Variants in CRACDL observed in about 807,000 individuals in gnomAD.
CRACDL encodes CRACD like.
Under a neutral mutation model 70.6 loss-of-function variants are expected in CRACDL, and 26 were observed. The ratio of observed to expected loss-of-function variants is 0.37; its 90% CI spans 0.27 to 0.51. The LOEUF is 0.51. CRACDL is among the 20% of genes least tolerant of loss of function. The pLI is 0.94. For missense variants in CRACDL, 1,283 were observed against 1,376.9 expected, an observed-to-expected ratio of 0.93 and a Z score of 1.08; for synonymous variants, 618 against 615.2, an observed-to-expected ratio of 1.00 and a Z score of -0.07.
intron 1 of CRACDL, among the ~76,000 whole-genome samples, chr2:98,896,745 T>C (rs972131382): frequency 5.9e-5 from 9 of 152,196 alleles, no homozygotes; most frequent in African/African-American, 2.2e-4. Flanking sequence ...CTTACTTTGT[T>C]GTTGTTGTTC....
intron 5 of CRACDL, among the ~76,000 whole-genome samples, chr2:98,828,551 C>A (rs1705410428): frequency 6.6e-6 from 1 of 152,160 alleles, no homozygotes; most frequent in Non-Finnish European, 1.5e-5. Flanking sequence ...GCCCAGCAGC[C>A]TTTGCTAACC....
chr2:98,869,210 G>C, intron 1 of CRACDL: 1 of 1,302,822 alleles, frequency 7.7e-7, no homozygotes, highest in Non-Finnish European at 1.0e-6. Context: ...GAGTGGCCTA[G>C]GGCCCACGGG....
At chr2:98,931,376 C>G (rs1709070098) in intron 1 of CRACDL, among the ~76,000 whole-genome samples, 1 of 149,568 alleles carries the variant, frequency 6.7e-6, no homozygotes, top group South Asian at 2.1e-4. Flanking sequence ...CTGACCTTGA[C>G]TGGACCAACT....
At chr2:98,802,281 G>A (rs994234924) in intron 7 of CRACDL, among the ~76,000 whole-genome samples, 2 of 152,266 alleles carry the variant, frequency 1.3e-5, no homozygotes, top group African/African-American at 4.8e-5. Flanking sequence ...CGCTATCCAC[G>A]GCGGCGCTCT....
intron 5 of CRACDL, among the ~76,000 whole-genome samples, chr2:98,827,569 T>C (rs888906228): frequency 2.6e-5 from 4 of 152,286 alleles, no homozygotes; most frequent in Non-Finnish European, 5.9e-5. Context: ...GGATTACAGG[T>C]GTGAGCCACC....
intron 1 of CRACDL, among the ~76,000 whole-genome samples, chr2:98,915,927 T>G (rs1003826844): frequency 2.0e-5 from 3 of 152,150 alleles, no homozygotes; most frequent in Non-Finnish European, 4.4e-5. Flanking sequence ...AAGCCTTGTG[T>G]TTGACGAATG....
chr2:98,819,064 G>A (rs1470294574), intron 7 of CRACDL, among the ~76,000 whole-genome samples: 1 of 152,168 alleles, frequency 6.6e-6, no homozygotes, highest in African/African-American at 2.4e-5. Context: ...ATTAAACTTA[G>A]ATGGATGAGA....
chr2:98,881,281 G>A (rs377624101), intron 1 of CRACDL, among the ~76,000 whole-genome samples: 14 of 152,144 alleles, frequency 9.2e-5, no homozygotes, highest in African/African-American at 2.2e-4. Context: ...GGGGCCCAGC[G>A]GCCTCAGCCC....
intron 1 of CRACDL, among the ~76,000 whole-genome samples, chr2:98,898,761 G>A (rs1708192688): frequency 6.6e-6 from 1 of 152,230 alleles, no homozygotes; most frequent in East Asian, 1.9e-4. Context: ...CCTCAAGGAT[G>A]AGTGCAACAG....
chr2:98,877,744 G>T (rs1055048744), intron 1 of CRACDL, among the ~76,000 whole-genome samples: 8 of 151,850 alleles, frequency 5.3e-5, no homozygotes, highest in African/African-American at 1.9e-4. Context: ...GTGGGACTCT[G>T]TCTCAAAAAT....
At chr2:98,827,472 A>C (rs1705356065) in intron 5 of CRACDL, among the ~76,000 whole-genome samples, 1 of 152,212 alleles carries the variant, frequency 6.6e-6, no homozygotes, top group African/African-American at 2.4e-5. Context: ...TTGTATTTTT[A>C]GTAGAGACAG....
At chr2:98,855,104 A>G (rs990487671) in intron 1 of CRACDL, among the ~76,000 whole-genome samples, 2 of 152,136 alleles carry the variant, frequency 1.3e-5, no homozygotes, top group African/African-American at 2.4e-5. Flanking sequence ...ACATGGTGAA[A>G]CCCCATCTCT....
chr2:98,892,874 C>T (rs1558626312), intron 1 of CRACDL, among the ~76,000 whole-genome samples: 1 of 152,164 alleles, frequency 6.6e-6, no homozygotes, highest in Non-Finnish European at 1.5e-5. Context: ...CCACTGCACC[C>T]TTCCTCACAC....
intron 1 of CRACDL, among the ~76,000 whole-genome samples, chr2:98,935,540 C>T (rs1413914619): frequency 6.6e-6 from 1 of 152,202 alleles, no homozygotes; most frequent in Non-Finnish European, 1.5e-5. Context: ...TGTGTCCACT[C>T]CTTTCCCCTG....
At chr2:98,800,139 G>A (rs767373467) in intron 7 of CRACDL, among the ~76,000 whole-genome samples, 29 of 152,172 alleles carry the variant, frequency 1.9e-4, no homozygotes, top group Non-Finnish European at 2.6e-4. Context: ...ATTTGAGGTG[G>A]GAAAATAAAC....
chr2:98,795,401 G>A (rs760663581), intron 9 of CRACDL, among the ~76,000 whole-genome samples: 1 of 151,940 alleles, frequency 6.6e-6, no homozygotes, highest in Non-Finnish European at 1.5e-5. Flanking sequence ...ACTGATACAT[G>A]CAACAACAAA....
chr2:98,917,714 A>C (rs1708701838), intron 1 of CRACDL, among the ~76,000 whole-genome samples: 1 of 152,194 alleles, frequency 6.6e-6, no homozygotes, highest in Non-Finnish European at 1.5e-5. Context: ...TGTGTAGTGA[A>C]GTCTGGGCTT....
At chr2:98,855,042 C>A (rs1430998832) in intron 1 of CRACDL, among the ~76,000 whole-genome samples, 1 of 152,208 alleles carries the variant, frequency 6.6e-6, no homozygotes, top group Non-Finnish European at 1.5e-5. Context: ...GTAATCCCAA[C>A]ACTTTGGGAG....
chr2:98,811,242 T>C (rs931832752), intron 7 of CRACDL, among the ~76,000 whole-genome samples: 2 of 151,640 alleles, frequency 1.3e-5, no homozygotes, highest in African/African-American at 4.8e-5. Flanking sequence ...CCGGGCATGG[T>C]GGCTCATGCC....
Sources: allele counts gnomAD v4.1 joint callset (sites outside exome capture counted in the v4.1 genomes callset), GRCh38; gene constraint gnomAD v4.1.1; transcripts MANE v1.5; gene names NCBI Gene and HGNC (gene_info 2026-07-23, HGNC 2026-07-21).